The following RIMS2 variants were observed in gnomAD, a reference collection of about 807,000 sequenced individuals.
RIMS2 encodes regulating synaptic membrane exocytosis 2.
A neutral mutation model predicts 174.4 loss-of-function variants in RIMS2; 59 were observed. That is an observed-to-expected ratio of 0.34 (90% CI 0.27 to 0.42). The LOEUF (loss-of-function observed/expected upper bound fraction) is 0.42. Among genes scored for constraint, RIMS2 ranks in the 10% least tolerant of loss-of-function variants. The pLI is 1.00. For synonymous variants in RIMS2, 606 were observed against 572.5 expected, an observed-to-expected ratio of 1.06 and a Z score of -0.84; for missense variants, 1,620 against 1,666.3, an observed-to-expected ratio of 0.97 and a Z score of 0.48.
intron 19 of RIMS2, among the ~76,000 whole-genome samples, chr8:104,042,058 A>G (rs1287064953): frequency 6.6e-6 from 1 of 151,354 alleles, no homozygotes; most frequent in Non-Finnish European, 1.5e-5. Context: ...GGCGTTTCCT[A>G]GTGTGAGTGT....
chr8:103,720,964 C>G (rs1471819884), intron 2 of RIMS2, among the ~76,000 whole-genome samples: 1 of 152,138 alleles, frequency 6.6e-6, no homozygotes, highest in Non-Finnish European at 1.5e-5. Flanking sequence ...ATTTGTATCC[C>G]TGCTCAAATC....
intron 19 of RIMS2, among the ~76,000 whole-genome samples, chr8:104,105,016 T>A (rs1362033067): frequency 6.6e-6 from 1 of 152,188 alleles, no homozygotes; most frequent in Admixed American, 6.5e-5. Context: ...AATATGAAGA[T>A]AACTGGATTT....
At chr8:104,122,069 GTGCAAAATAT>G (rs2098382947) in intron 19 of RIMS2, among the ~76,000 whole-genome samples, 1 of 152,154 alleles carries the variant, frequency 6.6e-6, no homozygotes, top group Non-Finnish European at 1.5e-5. Context: ...TGAAAAAGAA[GTGCAAAATAT>G]TGGGTATAAG....
At chr8:103,768,658 A>G in intron 3 of RIMS2, 1 of 828,100 alleles carries the variant, frequency 1.2e-6, no homozygotes, top group Non-Finnish European at 2.1e-6. Context: ...ATTGACTGAT[A>G]CTACGATGCC....
intron 1 of RIMS2, among the ~76,000 whole-genome samples, chr8:103,626,831 G>T (rs1462871572): frequency 6.6e-6 from 1 of 152,074 alleles, no homozygotes; most frequent in Non-Finnish European, 1.5e-5. Context: ...AAAGGGGAGG[G>T]GGGGTGTACA....
chr8:103,738,441 C>T (rs2097715745), intron 2 of RIMS2, among the ~76,000 whole-genome samples: 1 of 152,100 alleles, frequency 6.6e-6, no homozygotes, highest in Admixed American at 6.6e-5. Context: ...AGAAGAAAGC[C>T]TAGGCAATAC....
chr8:103,584,970 T>C (rs1202844573), intron 1 of RIMS2, among the ~76,000 whole-genome samples: 2 of 152,128 alleles, frequency 1.3e-5, no homozygotes, highest in Non-Finnish European at 2.9e-5. Context: ...GATCCATTTA[T>C]CTGTTGCCTA....
intron 3 of RIMS2, among the ~76,000 whole-genome samples, chr8:103,869,580 C>T (rs1456683953): frequency 2.6e-5 from 4 of 152,100 alleles, no homozygotes; most frequent in Admixed American, 2.0e-4. Context: ...GCCTCAGCCT[C>T]CCAAAGTGCT....
chr8:103,961,559 G>A (rs541569838), intron 15 of RIMS2, among the ~76,000 whole-genome samples: 3 of 152,196 alleles, frequency 2.0e-5, no homozygotes, highest in Admixed American at 2.0e-4. Context: ...GAAGTATCAT[G>A]TACAGCTACG....
At chr8:104,225,719 A>C (rs903390103) in intron 19 of RIMS2, among the ~76,000 whole-genome samples, 2 of 152,352 alleles carry the variant, frequency 1.3e-5, no homozygotes, top group Admixed American at 6.5e-5. Context: ...AAATTGGAAC[A>C]GATTTCTATC....
rs1245721503 is a variant in RIMS2 at position 103,603,842 on chromosome 8, G to T, written c.177-93244G>T. ...TGTCCTTCGCCCACTTTTTGATGGGGTTGTTTGTTTTTTTCTTGTAAATCT... is the reference window on the plus strand; with the variant it reads ...TGTCCTTCGCCCACTTTTTGATGGGTTTGTTTGTTTTTTTCTTGTAAATCT... On this transcript the variant is annotated intron_variant, in intron 1 of 23. Coordinates refer to ENST00000504942, the Ensembl canonical transcript of RIMS2. 6.7e-5 allele frequency among the ~76,000 whole-genome samples: 10 copies of T among 149,746 alleles called. No individual in the cohort carries two copies. The East Asian group carries it at 1.6e-3, about 23-fold the overall frequency.
At chr8:103,610,210 A>T (rs896965990) in intron 1 of RIMS2, among the ~76,000 whole-genome samples, 1 of 152,278 alleles carries the variant, frequency 6.6e-6, no homozygotes, top group South Asian at 2.1e-4. Flanking sequence ...GAAGTTGTTT[A>T]TCAGACCAAG....
chr8:103,531,806 A>G (rs367751454), intron 1 of RIMS2, among the ~76,000 whole-genome samples: 137 of 152,322 alleles, frequency 9.0e-4, no homozygotes, highest in African/African-American at 3.1e-3. Flanking sequence ...GAAAAAACCA[A>G]TGAAGTTTGT....
intron 4 of RIMS2, among the ~76,000 whole-genome samples, chr8:103,891,409 T>C (rs1274429244): frequency 5.9e-5 from 9 of 152,100 alleles, no homozygotes; most frequent in Non-Finnish European, 4.4e-5. Flanking sequence ...CGAATTAATA[T>C]CTTGTATAAT....
chr8:103,628,354 G>GTT (rs5893660), intron 1 of RIMS2, among the ~76,000 whole-genome samples: 6 of 136,494 alleles, frequency 4.4e-5, no homozygotes, highest in Non-Finnish European at 3.2e-5. Context: ...TGAGATCCCT[G>GTT]TTTTTTTTTT....
chr8:103,867,506 A>C (rs2099089473), intron 3 of RIMS2, among the ~76,000 whole-genome samples: 1 of 151,878 alleles, frequency 6.6e-6, no homozygotes, highest in African/African-American at 2.4e-5. Context: ...TCTAAGGCAA[A>C]TAACTCATTA....
At chr8:104,230,477 C>G (rs1472129523) in intron 19 of RIMS2, among the ~76,000 whole-genome samples, 2 of 151,578 alleles carry the variant, frequency 1.3e-5, no homozygotes, top group African/African-American at 2.4e-5. Context: ...GAAATCCTGT[C>G]TCTACTAAAA....
At chr8:103,801,292 T>C (rs1008254990) in intron 3 of RIMS2, among the ~76,000 whole-genome samples, 5 of 152,230 alleles carry the variant, frequency 3.3e-5, no homozygotes, top group Non-Finnish European at 7.3e-5. Flanking sequence ...CAGCCAGCAA[T>C]GTCTTTAAAG....
rs947150557 is a variant in RIMS2, at chr8:104,230,894, TC to T, written c.3335-14021del. Among the ~76,000 whole-genome samples, 46 of 116,768 alleles carry T rather than the reference TC, an allele frequency of 3.9e-4. No homozygotes were observed. The East Asian group carries it at 7.7e-3, about 20-fold the overall frequency. The allele number at this position is 116,768 out of a possible 152,430, so 76.6% of individuals were successfully genotyped here. On this transcript the variant is annotated intron_variant, in intron 19 of 23. Transcript: ENST00000504942. Reference sequence around the variant, plus strand: ...AGGTTGGAAAATTTACTCTTTTTTTTCTTTTCCTGAAGGAAAGCTATAAATC... The same window carrying T: ...AGGTTGGAAAATTTACTCTTTTTTTTTTTTCCTGAAGGAAAGCTATAAATC...
Sources: gnomAD v4.1 joint callset for allele counts (sites outside exome capture counted in the v4.1 genomes callset) on GRCh38, gnomAD v4.1.1 for gene constraint, MANE v1.5 for transcripts, NCBI Gene and HGNC (gene_info 2026-07-23, HGNC 2026-07-21) for gene names.